The following PKNOX2 variants were observed in gnomAD, a reference collection of about 807,000 sequenced individuals.
PKNOX2 encodes PBX/knotted 1 homeobox 2.
A neutral mutation model predicts 53.1 loss-of-function variants in PKNOX2; 14 were observed. That is an observed-to-expected ratio of 0.26 (90% CI 0.17 to 0.41). The LOEUF (loss-of-function observed/expected upper bound fraction) is 0.41, where lower values mean the gene tolerates loss of function less well. Ranked by LOEUF, PKNOX2 falls within the 10% of genes least tolerant of loss-of-function variation. PKNOX2 has a pLI of 1.00. For missense variants in PKNOX2, 496 were observed against 602.8 expected, an observed-to-expected ratio of 0.82 and a Z score of 1.85; for synonymous variants, 257 against 242.8, an observed-to-expected ratio of 1.06 and a Z score of -0.54.
At chr11:125,302,447 ACACTACCCCT>A (rs1948140882) in intron 2 of PKNOX2, among the ~76,000 whole-genome samples, 1 of 152,142 alleles carries the variant, frequency 6.6e-6, no homozygotes, top group African/African-American at 2.4e-5. Flanking sequence ...TTCGGGCTGC[ACACTACCCCT>A]CACAGCCTTT....
chr11:125,368,055 G>A (rs1952290076), intron 5 of PKNOX2, 70 bp downstream of exon 5: 1 of 1,544,430 alleles, frequency 6.5e-7, no homozygotes, highest in South Asian at 1.2e-5. Flanking sequence ...TGAGGGATGA[G>A]AATGCAGGCC....
chr11:125,180,646 G>C (rs891297021), intron 1 of PKNOX2, among the ~76,000 whole-genome samples: 1 of 126,814 alleles, frequency 7.9e-6, no homozygotes, highest in Non-Finnish European at 1.8e-5. Context: ...GACTCTTCAC[G>C]AAGCTTTGGC....
intron 6 of PKNOX2, among the ~76,000 whole-genome samples, chr11:125,388,074 A>C (rs981517020): frequency 3.3e-5 from 5 of 152,006 alleles, no homozygotes; most frequent in African/African-American, 9.7e-5. Context: ...CCTCAACTTC[A>C]TATCCTGGCC....
chr11:125,260,172 T>C (rs11219999), intron 2 of PKNOX2, among the ~76,000 whole-genome samples: 50,497 of 151,130 alleles, frequency 0.33, 8,651 homozygotes, highest in African/African-American at 0.37. Context: ...GCCATCATGC[T>C]TGGCCCAATT....
intron 1 of PKNOX2, among the ~76,000 whole-genome samples, chr11:125,198,843 T>TC (rs1023320102): frequency 1.4e-5 from 2 of 138,642 alleles, no homozygotes; most frequent in African/African-American, 3.2e-5. Context: ...TTCTTCTTCT[T>TC]TTTTTTTTTT....
At chr11:125,372,462 C>T (rs1952612427) in intron 5 of PKNOX2, among the ~76,000 whole-genome samples, 1 of 152,232 alleles carries the variant, frequency 6.6e-6, no homozygotes, top group Non-Finnish European at 1.5e-5. Context: ...TTGGTCCTCA[C>T]TGTCCTATCT....
chr11:125,307,441 C>G (rs1948537707), intron 2 of PKNOX2, among the ~76,000 whole-genome samples: 1 of 152,138 alleles, frequency 6.6e-6, no homozygotes, highest in Non-Finnish European at 1.5e-5. Context: ...CCTGTAATCC[C>G]CAGCTACTCA....
intron 5 of PKNOX2, among the ~76,000 whole-genome samples, chr11:125,376,165 C>T (rs1000724820): frequency 2.6e-5 from 4 of 152,164 alleles, no homozygotes; most frequent in Non-Finnish European, 4.4e-5. Flanking sequence ...CCACACTTGC[C>T]GGGAATGGAC....
intron 5 of PKNOX2, 129 bp downstream of exon 5, chr11:125,368,114 C>A: frequency 8.7e-7 from 1 of 1,147,940 alleles, no homozygotes; most frequent in Non-Finnish European, 1.2e-6. Context: ...TCTCCCTTGG[C>A]CTCCTTCCCT....
chr11:125,362,070 A>G (rs1951954182), intron 4 of PKNOX2, among the ~76,000 whole-genome samples: 1 of 152,258 alleles, frequency 6.6e-6, no homozygotes, highest in South Asian at 2.1e-4. Context: ...AGGGAGAGGG[A>G]CAAACTGGGA....
At position 125,165,079 on chromosome 11, in the gene PKNOX2, G is replaced by A. The variant is rs1172074763; in HGVS notation, c.-201+303G>A. Among the ~76,000 whole-genome samples, 1 of 150,070 alleles carries A rather than the reference G, an allele frequency of 6.7e-6. No homozygotes were observed. The highest frequency in any genetic ancestry group is 1.5e-5 in the Non-Finnish European group (1 of 67,388). ...GGAGCGGAGCAGCGCGAGGGGCGGC[G>A]AGGCCGGGCACGGAGGCTGCGAGAG... On this transcript the variant is annotated intron_variant, in intron 1 of 12. Transcript: ENST00000298282. The surrounding 1 kb of genome is among the most constrained non-coding windows in gnomAD (Gnocchi z 4.5).
At chr11:125,224,866 C>T (rs1266040368) in intron 1 of PKNOX2, among the ~76,000 whole-genome samples, 1 of 152,110 alleles carries the variant, frequency 6.6e-6, no homozygotes, top group Non-Finnish European at 1.5e-5. Context: ...TTCAGGACCG[C>T]CCCCCGGAGG....
intron 3 of PKNOX2, among the ~76,000 whole-genome samples, chr11:125,336,304 A>T (rs1950429321): frequency 6.6e-6 from 1 of 152,108 alleles, no homozygotes; most frequent in Admixed American, 6.5e-5. Context: ...GATGGCCAAC[A>T]TTTATTATAT....
intron 7 of PKNOX2, among the ~76,000 whole-genome samples, chr11:125,407,909 C>T (rs530841728): frequency 2.6e-4 from 40 of 152,118 alleles, no homozygotes; most frequent in Admixed American, 5.2e-4. Context: ...TTGAGGGTCC[C>T]GGTGTCACAT....
intron 6 of PKNOX2, among the ~76,000 whole-genome samples, chr11:125,393,759 G>A (rs1954223200): frequency 6.6e-6 from 1 of 152,088 alleles, no homozygotes; most frequent in African/African-American, 2.4e-5. Context: ...TTACCAGGAA[G>A]GGTTCTGGAA....
intron 1 of PKNOX2, among the ~76,000 whole-genome samples, chr11:125,177,439 G>A (rs771497181): frequency 6.6e-5 from 10 of 152,202 alleles, no homozygotes; most frequent in Non-Finnish European, 1.3e-4. Context: ...AAATGTACCT[G>A]CTTTGGGGTC....
At chr11:125,428,752 G>A (rs1025464436) in intron 10 of PKNOX2, among the ~76,000 whole-genome samples, 1 of 152,186 alleles carries the variant, frequency 6.6e-6, no homozygotes, top group Admixed American at 6.5e-5. Context: ...TTGGTCTTGG[G>A]AAACCTCCCT....
chr11:125,183,198 CTTTTTT>C (rs10676031), intron 1 of PKNOX2, among the ~76,000 whole-genome samples: 4 of 85,854 alleles, frequency 4.7e-5, no homozygotes, highest in Admixed American at 2.1e-4. Context: ...GCGATGAATC[CTTTTTT>C]TTTTTTTTTT....
intron 2 of PKNOX2, among the ~76,000 whole-genome samples, chr11:125,249,135 G>A (rs549383763): frequency 7.5e-6 from 1 of 133,570 alleles, no homozygotes; most frequent in East Asian, 2.1e-4. Flanking sequence ...TTTACTGGTA[G>A]AGTTTTGTAA....
Sources: allele counts gnomAD v4.1 joint callset (sites outside exome capture counted in the v4.1 genomes callset), GRCh38; gene constraint gnomAD v4.1.1; non-coding constraint Gnocchi (gnomAD v3.1); transcripts MANE v1.5; gene names NCBI Gene and HGNC (gene_info 2026-07-23, HGNC 2026-07-21).